ITGA11: variants seen among roughly 807,000 people sequenced by gnomAD.
ITGA11 encodes integrin alpha-11.
ITGA11 carries 97 observed loss-of-function variants against 141.9 expected under a neutral mutation model. The ratio of observed to expected loss-of-function variants is 0.68; its 90% CI spans 0.58 to 0.81. The LOEUF is 0.81. ITGA11 is among the 30% of genes least tolerant of loss of function. The probability of loss-of-function intolerance (pLI) is 0.00; values close to 1 mark genes in which losing one functional copy is unlikely to be tolerated. For missense variants in ITGA11, 1,387 were observed against 1,559.2 expected (o/e 0.89, Z 1.86); for synonymous variants, 658 against 624.6 (o/e 1.05, Z -0.80).
chr15:68,314,809 G>A lies in ITGA11; in HGVS notation c.2792+842C>T, dbSNP rs200245908. The stretch of plus-strand genomic sequence containing the variant: ...TAGCTGGGACGCGAGCACGTGTCGG[G>A]TATGAGTCCCCAGCGCTTATGTGAC... On this transcript the variant is annotated intron_variant, in intron 22 of 29. Coordinates refer to ENST00000315757, the MANE Select transcript of ITGA11 (RefSeq NM_001004439.2). Among the ~76,000 whole-genome samples the A allele has an allele frequency of 9.8e-5, 15 of 152,294 alleles. No individual in the cohort carries two copies. The East Asian group carries it at 2.7e-3, about 27-fold the overall frequency.
At position 68,407,324 on chromosome 15, in the gene ITGA11, A is replaced by G. The variant is rs1182859931; in HGVS notation, c.53-4295T>C. Among the ~76,000 whole-genome samples the G allele has an allele frequency of 2.0e-5, 3 of 152,278 alleles. No individual in the cohort carries two copies. The East Asian group carries it at 5.8e-4, about 29-fold the overall frequency. Reference sequence around the variant, plus strand: ...ACAAGGAAGAGGCATTAAATTACAAAGTGCTGGTTTCGTCTCCAGAGACCA... The same window carrying G: ...ACAAGGAAGAGGCATTAAATTACAAGGTGCTGGTTTCGTCTCCAGAGACCA... On this transcript the variant is annotated intron_variant, in intron 1 of 29. Transcript: ENST00000315757.
chr15:68,377,288 T>C (rs1314612902), intron 2 of ITGA11, among the ~76,000 whole-genome samples: 1 of 152,184 alleles, frequency 6.6e-6, no homozygotes, highest in East Asian at 1.9e-4. Flanking sequence ...TTTTGTTTTT[T>C]TGAGACAGAG....
intron 3 of ITGA11, among the ~76,000 whole-genome samples, chr15:68,368,859 C>CTTTTTTTTT (rs1491217604): frequency 1.0e-4 from 7 of 68,990 alleles, no homozygotes; most frequent in African/African-American, 3.9e-4. Context: ...GACAGGAAGT[C>CTTTTTTTTT]CTTTTTTTTT....
At chr15:68,350,842 C>G (rs961399094) in intron 8 of ITGA11, 60 bp from the exon 9 acceptor site, 33 of 1,552,476 alleles carry the variant, frequency 2.1e-5, no homozygotes, top group Non-Finnish European at 2.6e-5. Context: ...TTCCCATACA[C>G]CACACGGCCT....
At chr15:68,364,279 T>C (rs563221984) in intron 4 of ITGA11, among the ~76,000 whole-genome samples, 1 of 152,248 alleles carries the variant, frequency 6.6e-6, no homozygotes, top group Non-Finnish European at 1.5e-5. Context: ...CAAGTCTTCT[T>C]TGGGTGTGTG....
At chr15:68,414,859 C>T (rs554329799) in intron 1 of ITGA11, among the ~76,000 whole-genome samples, 4 of 152,328 alleles carry the variant, frequency 2.6e-5, no homozygotes, top group Admixed American at 2.6e-4. Context: ...CACGGCTTAG[C>T]GCCCAGCCGG....
intron 1 of ITGA11, among the ~76,000 whole-genome samples, chr15:68,424,161 A>T (rs796832480): frequency 6.6e-5 from 10 of 152,274 alleles, no homozygotes; most frequent in African/African-American, 2.4e-4. Context: ...ATCACCAATG[A>T]ATCACTCCAC....
In ITGA11 at chr15:68,420,999, A is replaced by AGAC. The variant is rs147312499; in HGVS notation, c.52+11015_52+11016insGTC. On this transcript the variant is annotated intron_variant, in intron 1 of 29. Coordinates refer to ENST00000315757, the MANE Select transcript of ITGA11 (RefSeq NM_001004439.2). The stretch of plus-strand genomic sequence containing the variant: ...CAATGGGAGAAGCATGTTGGAGTAA[A>AGAC]CTGCCTGAGGTTTGGTGGGCAGGAT... Among the ~76,000 whole-genome samples the AGAC allele has an allele frequency of 2.6e-3, 150 of 57,986 alleles. 49 individuals are homozygous for AGAC. Among genetic ancestry groups the AGAC allele is most frequent in the African/African-American group, 0.018 (118 of 6,610 alleles). 38.0% of individuals were successfully genotyped at this position (57,986 alleles called of 152,430 possible).
chr15:68,349,244 T>C (rs142540516), intron 9 of ITGA11, among the ~76,000 whole-genome samples: 20 of 152,314 alleles, frequency 1.3e-4, no homozygotes, highest in East Asian at 7.7e-4. Context: ...TGCACAGAAA[T>C]AGTGTACGTT....
intron 2 of ITGA11, among the ~76,000 whole-genome samples, chr15:68,370,857 G>C (rs910672860): frequency 6.6e-6 from 1 of 152,204 alleles, no homozygotes; most frequent in Non-Finnish European, 1.5e-5. Context: ...AGATGGTTGG[G>C]AGGAGGTGGC....
chr15:68,341,831 G>T (rs962939689), intron 10 of ITGA11, among the ~76,000 whole-genome samples: 1 of 152,232 alleles, frequency 6.6e-6, no homozygotes, highest in Non-Finnish European at 1.5e-5. Context: ...TTCAGCCGGG[G>T]AGACCCCTCA....
intron 2 of ITGA11, among the ~76,000 whole-genome samples, chr15:68,373,271 CTGCCCTACTG>C (rs1567148836): frequency 1.3e-5 from 2 of 152,172 alleles, no homozygotes; most frequent in African/African-American, 4.8e-5. Context: ...ATGTCCTGGA[CTGCCCTACTG>C]CACCAGAGTA....
chr15:68,312,151 ACT>A (rs1362993629), intron 24 of ITGA11, among the ~76,000 whole-genome samples: 2 of 152,184 alleles, frequency 1.3e-5, no homozygotes, highest in African/African-American at 4.8e-5. Flanking sequence ...TTGCCTCCTA[ACT>A]CTCATTCTCC....
rs767369353 is a variant in ITGA11 at position 68,331,084 on chromosome 15, C to T, written c.1798G>A (p.Gly600Ser). Residue 600 changes from glycine to serine, a missense_variant, in exon 15 of 30, where the codon GGC (glycine) becomes AGC (serine). Coordinates refer to ENST00000315757, the MANE Select transcript of ITGA11 (RefSeq NM_001004439.2). ...ATGCTGCAGCCAAAATACTGGAGGC[C>T]GGTAGCCAGCTCTGAGGCTGTGATT... ...QRITASELAT[G>S]LQYFGCSIHG... 64 of 1,586,596 alleles carry T rather than the reference C, an allele frequency of 4.0e-5. 1 individual carries two copies. The highest frequency in any genetic ancestry group is 1.7e-4 in the Middle Eastern group (1 of 5,974).
At position 68,328,847 on chromosome 15, in the gene ITGA11, C is replaced by G. The variant is rs1350561172; in HGVS notation, c.1902-585G>C. ...ATGGACCACACTTCGAAGAGCGAGG[C>G]GTTAAAGCACCCCAGGTGATTCCAA... On this transcript the variant is annotated intron_variant, in intron 15 of 29. Transcript: ENST00000315757. This position sits in a 1 kb window ranked among gnomAD's most constrained non-coding sequence, Gnocchi z 4.8. Among the ~76,000 whole-genome samples the G allele has an allele frequency of 6.6e-6, 1 of 152,144 alleles. No individual in the cohort carries two copies. The highest frequency in any genetic ancestry group is 1.5e-5 in the Non-Finnish European group (1 of 68,026).
chr15:68,404,000 C>T (rs1055029107), intron 1 of ITGA11, among the ~76,000 whole-genome samples: 9 of 152,160 alleles, frequency 5.9e-5, no homozygotes, highest in African/African-American at 4.8e-5. Flanking sequence ...GTCCTTCCCC[C>T]AGGGAACTCC....
At chr15:68,415,589 G>A (rs1234516284) in intron 1 of ITGA11, among the ~76,000 whole-genome samples, 3 of 152,216 alleles carry the variant, frequency 2.0e-5, no homozygotes, top group South Asian at 4.1e-4. Context: ...GGCAGGGAGT[G>A]GCTCTGAGCA....
At chr15:68,413,047 T>C (rs759492383) in intron 1 of ITGA11, among the ~76,000 whole-genome samples, 18 of 152,296 alleles carry the variant, frequency 1.2e-4, no homozygotes, top group Non-Finnish European at 1.8e-4. Context: ...AACTTTGTTT[T>C]TCTACAGCGA....
chr15:68,401,719 C>T (rs996366699), intron 2 of ITGA11, among the ~76,000 whole-genome samples: 17 of 152,026 alleles, frequency 1.1e-4, no homozygotes, highest in African/African-American at 4.1e-4. Flanking sequence ...TGAGTGGGCA[C>T]CACCTTCTGG....
Sources: gnomAD v4.1 joint callset for allele counts (sites outside exome capture counted in the v4.1 genomes callset) on GRCh38, gnomAD v4.1.1 for gene constraint, Gnocchi (gnomAD v3.1) non-coding constraint, MANE v1.5 for transcripts, NCBI Gene and HGNC (gene_info 2026-07-23, HGNC 2026-07-21) for gene names.